The following ITK variants were observed in gnomAD, a reference collection of about 807,000 sequenced individuals.
ITK encodes IL2 inducible T cell kinase, also known as tyrosine-protein kinase ITK/TSK.
A neutral mutation model predicts 87.6 loss-of-function variants in ITK; 45 were observed. The ratio of observed to expected loss-of-function variants is 0.51; its 90% CI spans 0.40 to 0.66. The LOEUF (loss-of-function observed/expected upper bound fraction) is 0.66. ITK is among the 30% of genes least tolerant of loss of function. ITK has a pLI of 0.00. For missense variants in ITK, 605 were observed against 766.3 expected (o/e 0.79, Z 2.48); for synonymous variants, 303 against 273.6 (o/e 1.11, Z -1.06).
intron 6 of ITK, among the ~76,000 whole-genome samples, chr5:157,226,891 A>C (rs1456690570): frequency 6.6e-6 from 1 of 151,928 alleles, no homozygotes; most frequent in Non-Finnish European, 1.5e-5. Context: ...CCTCCACACC[A>C]CTGCCCCCAC....
intron 2 of ITK, 55 bp downstream of exon 2, chr5:157,209,048 A>G: frequency 4.9e-6 from 6 of 1,220,622 alleles, no homozygotes; most frequent in Middle Eastern, 1.9e-4. Flanking sequence ...TAAAATCTTC[A>G]GTCACAGCCG....
At chr5:157,230,717 G>T (rs769797897) in intron 7 of ITK, among the ~76,000 whole-genome samples, 2 of 152,172 alleles carry the variant, frequency 1.3e-5, no homozygotes, top group African/African-American at 2.4e-5. Context: ...AGTTTTGTTT[G>T]TTCAACTTTG....
At chr5:157,190,117 G>A (rs1719362413) in intron 1 of ITK, among the ~76,000 whole-genome samples, 1 of 152,096 alleles carries the variant, frequency 6.6e-6, no homozygotes, top group Admixed American at 6.6e-5. Context: ...TAAAATAAGA[G>A]CTAGATACAG....
intron 1 of ITK, among the ~76,000 whole-genome samples, chr5:157,181,371 A>T (rs1315450223): frequency 6.6e-6 from 1 of 152,146 alleles, no homozygotes; most frequent in African/African-American, 2.4e-5. Context: ...CTGCAAGGTT[A>T]TGTTTGGTTT....
Position 157,211,369 on chromosome 5 carries a change from G to A in ITK, c.325+1G>A. ...CGCTGGGTGCTGGCCCTTAAAGAAG[G>A]TAATTAAACTCCTTTGCCATTGAAT... On this transcript the variant is annotated splice_donor_variant, in intron 3 of 16. Transcript: ENST00000422843. LOFTEE classifies it high-confidence loss of function. 1 of 1,609,540 alleles carries A rather than the reference G, an allele frequency of 6.2e-7. No individual in the cohort carries two copies. Among genetic ancestry groups the A allele is most frequent in the Non-Finnish European group, 8.5e-7 (1 of 1,175,890 alleles).
At chr5:157,235,635 A>G (rs1292757941) in intron 8 of ITK, among the ~76,000 whole-genome samples, 2 of 152,324 alleles carry the variant, frequency 1.3e-5, no homozygotes, top group East Asian at 3.9e-4. Flanking sequence ...TGAAGACTCA[A>G]TGTTGACTTA....
chr5:157,248,544 C>T (rs976521893), intron 15 of ITK, among the ~76,000 whole-genome samples: 2 of 152,204 alleles, frequency 1.3e-5, no homozygotes, highest in African/African-American at 2.4e-5. Context: ...AATAGTGTCA[C>T]ACCTCCTGCA....
At position 157,245,866 on chromosome 5, in the gene ITK, C is replaced by T; in HGVS notation, c.1515-15C>T. ...CCCGGAACATTCTGACCTTCTCCCT[C>T]CACTCTCTTCCCAGGTTCGTTCTGG... On this transcript the variant is annotated splice_polypyrimidine_tract_variant and intron_variant, in intron 14 of 16. Coordinates refer to ENST00000422843, the MANE Select transcript of ITK (RefSeq NM_005546.4). 1 of 1,611,460 alleles carries T rather than the reference C, an allele frequency of 6.2e-7. No homozygotes were observed. Among genetic ancestry groups the T allele is most frequent in the Non-Finnish European group, 8.5e-7 (1 of 1,177,542 alleles).
intron 3 of ITK, among the ~76,000 whole-genome samples, chr5:157,212,188 G>A (rs915041900): frequency 3.9e-5 from 6 of 152,164 alleles, no homozygotes; most frequent in African/African-American, 1.2e-4. Flanking sequence ...AGAATTGAAT[G>A]ATTGAGGACT....
rs116374610 is a variant in ITK, at chr5:157,213,974, G to A, written c.326-217G>A. Among the ~76,000 whole-genome samples the A allele has an allele frequency of 4.0e-3, 606 of 152,262 alleles. 5 individuals carry two copies. The highest frequency in any genetic ancestry group is 0.014 in the African/African-American group (563 of 41,530). ...TAACTAATGCAAGGCAGAGCCAGACGCAAGCCTAGATGTGCTGATGCCTAA... is the reference window on the plus strand; with the variant it reads ...TAACTAATGCAAGGCAGAGCCAGACACAAGCCTAGATGTGCTGATGCCTAA... On this transcript the variant is annotated intron_variant, in intron 3 of 16. Transcript: ENST00000422843.
At chr5:157,217,650 A>G (rs1489563346) in intron 4 of ITK, among the ~76,000 whole-genome samples, 1 of 152,194 alleles carries the variant, frequency 6.6e-6, no homozygotes, top group Non-Finnish European at 1.5e-5. Context: ...TGTGTACTAG[A>G]AAAGGGAATC....
At chr5:157,222,196 C>T (rs890027142) in intron 5 of ITK, among the ~76,000 whole-genome samples, 36 of 152,132 alleles carry the variant, frequency 2.4e-4, no homozygotes, top group Admixed American at 2.4e-3. Context: ...CCATAGCAGG[C>T]GTGCCCATCC....
chr5:157,188,865 C>A (rs963026687), intron 1 of ITK, among the ~76,000 whole-genome samples: 2 of 152,156 alleles, frequency 1.3e-5, no homozygotes, highest in African/African-American at 4.8e-5. Context: ...ATCTGCTTCC[C>A]TGTTTAATTT....
At chr5:157,237,368 G>A (rs577989596) in intron 8 of ITK, among the ~76,000 whole-genome samples, 20 of 152,242 alleles carry the variant, frequency 1.3e-4, no homozygotes, top group African/African-American at 4.8e-4. Flanking sequence ...ATAGACAGTG[G>A]GGACTCCAAA....
chr5:157,188,373 T>C (rs1753686901), intron 1 of ITK, among the ~76,000 whole-genome samples: 1 of 152,214 alleles, frequency 6.6e-6, no homozygotes, highest in Admixed American at 6.5e-5. Context: ...CTTCATCCTG[T>C]GGTCCCAGCC....
At chr5:157,209,135 AC>A in intron 2 of ITK, 142 bp downstream of exon 2, 3 of 702,618 alleles carry the variant, frequency 4.3e-6, no homozygotes, top group South Asian at 1.5e-5. Flanking sequence ...GGAGTTCAAG[AC>A]CAGCCTGGCC....
chr5:157,194,892 A>T (rs1428684784), intron 1 of ITK, among the ~76,000 whole-genome samples: 1 of 152,222 alleles, frequency 6.6e-6, no homozygotes, highest in African/African-American at 2.4e-5. Context: ...TGGAAACTGA[A>T]GCCTGGGAGC....
chr5:157,198,032 A>G (rs928163339), intron 1 of ITK, among the ~76,000 whole-genome samples: 2 of 152,086 alleles, frequency 1.3e-5, no homozygotes, highest in African/African-American at 4.8e-5. Flanking sequence ...AGGTAAAAAG[A>G]AAAGCTCCTT....
intron 1 of ITK, among the ~76,000 whole-genome samples, chr5:157,186,745 A>C (rs1753652322): frequency 6.6e-6 from 1 of 152,078 alleles, no homozygotes; most frequent in South Asian, 2.1e-4. Flanking sequence ...GTTCTCCTAG[A>C]ATCTCCCCAG....
Sources: allele counts gnomAD v4.1 joint callset (sites outside exome capture counted in the v4.1 genomes callset), GRCh38; gene constraint gnomAD v4.1.1; transcripts MANE v1.5; gene names NCBI Gene and HGNC (gene_info 2026-07-23, HGNC 2026-07-21).